The following GPC5 variants were observed in gnomAD, a reference collection of about 807,000 sequenced individuals.
GPC5 encodes the protein glypican-5.
GPC5 carries 47 observed loss-of-function variants against 53.9 expected under a neutral mutation model. The observed-to-expected ratio is 0.87, with a 90% CI of 0.69 to 1.11. The LOEUF is 1.11. Among genes scored for constraint, GPC5 ranks in the 50% most tolerant of loss-of-function variants. The pLI is 0.00. For missense variants in GPC5, 748 were observed against 713.1 expected (o/e 1.05, Z -0.56); for synonymous variants, 286 against 263.3 (o/e 1.09, Z -0.84).
chr13:92,631,902 C>CT (rs1233857431), intron 7 of GPC5, among the ~76,000 whole-genome samples: 19 of 152,222 alleles, frequency 1.2e-4, no homozygotes, highest in Non-Finnish European at 5.9e-5. Context: ...TTTGTTTAGA[C>CT]TTGGGTCTCA....
intron 6 of GPC5, among the ~76,000 whole-genome samples, chr13:92,086,260 C>T (rs1192705286): frequency 1.3e-5 from 2 of 152,172 alleles, no homozygotes; most frequent in Admixed American, 6.5e-5. Flanking sequence ...TGTCTATTTT[C>T]CAGGAGGACA....
chr13:91,507,058 T>G (rs1026005795), intron 2 of GPC5, among the ~76,000 whole-genome samples: 1 of 152,156 alleles, frequency 6.6e-6, no homozygotes, highest in African/African-American at 2.4e-5. Flanking sequence ...AATATGTGTA[T>G]ATATCTTAGT....
intron 7 of GPC5, among the ~76,000 whole-genome samples, chr13:92,584,645 A>T (rs1883477743): frequency 6.6e-6 from 1 of 152,170 alleles, no homozygotes; most frequent in Non-Finnish European, 1.5e-5. Flanking sequence ...TAGGAGGCGA[A>T]TGTTAATCCC....
At chr13:92,337,333 T>C (rs1014925427) in intron 7 of GPC5, among the ~76,000 whole-genome samples, 1 of 152,054 alleles carries the variant, frequency 6.6e-6, no homozygotes, top group Non-Finnish European at 1.5e-5. Context: ...TGTTCATAAA[T>C]AGGAAGACTC....
At chr13:92,836,760 G>C (rs931739957) in intron 7 of GPC5, among the ~76,000 whole-genome samples, 4 of 152,004 alleles carry the variant, frequency 2.6e-5, no homozygotes, top group Admixed American at 2.0e-4. Context: ...TCATTGTAGA[G>C]AGGCATATAA....
intron 5 of GPC5, among the ~76,000 whole-genome samples, chr13:91,798,486 C>G (rs1476121269): frequency 6.6e-6 from 1 of 152,182 alleles, no homozygotes; most frequent in Non-Finnish European, 1.5e-5. Context: ...ATAACAGCTT[C>G]CAGCTCCATC....
intron 2 of GPC5, among the ~76,000 whole-genome samples, chr13:91,568,355 T>C (rs1275652751): frequency 6.6e-6 from 1 of 152,150 alleles, no homozygotes; most frequent in African/African-American, 2.4e-5. Flanking sequence ...TTCCCTAAGG[T>C]ATTCCTAGGC....
chr13:92,755,577 T>C (rs986954163), intron 7 of GPC5, among the ~76,000 whole-genome samples: 9 of 149,480 alleles, frequency 6.0e-5, no homozygotes, highest in South Asian at 4.3e-4. Flanking sequence ...ATAGATAGAC[T>C]GCTAGCAAGA....
At chr13:91,519,390 C>T (rs1020792031) in intron 2 of GPC5, among the ~76,000 whole-genome samples, 2 of 152,022 alleles carry the variant, frequency 1.3e-5, no homozygotes, top group Admixed American at 6.6e-5. Flanking sequence ...ATTATGACCC[C>T]CCAGTGTTGG....
chr13:91,881,856 A>G (rs2039267221), intron 5 of GPC5, among the ~76,000 whole-genome samples: 1 of 152,192 alleles, frequency 6.6e-6, no homozygotes, highest in South Asian at 2.1e-4. Context: ...AAGGCTAATA[A>G]TCTGTCAGCC....
chr13:92,703,357 A>AGAT lies in GPC5; in HGVS notation c.1562-162924_1562-162922dup, dbSNP rs1424865212. 3.3e-5 allele frequency among the ~76,000 whole-genome samples: 5 copies of AGAT among 151,560 alleles called. No homozygotes were observed. In the East Asian group the frequency reaches 7.7e-4, roughly 23 times the overall value. On this transcript the variant is annotated intron_variant, in intron 7 of 7. Transcript: ENST00000377067. ...TATCCTTAACTGTAGGAGATATGATAGATAATATCTAATACTAGAAATTCA... is the reference window on the plus strand; with the variant it reads ...TATCCTTAACTGTAGGAGATATGATAGATGATAATATCTAATACTAGAAATTCA...
At chr13:91,425,183 A>T (rs1878953331) in intron 1 of GPC5, among the ~76,000 whole-genome samples, 2 of 152,252 alleles carry the variant, frequency 1.3e-5, no homozygotes, top group South Asian at 4.1e-4. Context: ...GTATTTAGAT[A>T]TAATAGCAGA....
At chr13:92,232,114 G>A in intron 7 of GPC5, among the ~76,000 whole-genome samples, 1 of 152,066 alleles carries the variant, frequency 6.6e-6, no homozygotes. Context: ...GTGGCAGGCA[G>A]TACTGGTTTA....
At chr13:92,437,663 A>T (rs1340114022) in intron 7 of GPC5, among the ~76,000 whole-genome samples, 1 of 152,114 alleles carries the variant, frequency 6.6e-6, no homozygotes, top group Admixed American at 6.6e-5. Context: ...ACTTAGTGTC[A>T]TACAACATCA....
At chr13:91,533,191 G>C (rs1886431040) in intron 2 of GPC5, among the ~76,000 whole-genome samples, 1 of 152,194 alleles carries the variant, frequency 6.6e-6, no homozygotes, top group Non-Finnish European at 1.5e-5. Context: ...GGTGACTCTA[G>C]GAAGAGCTAA....
At chr13:92,637,877 C>T (rs1885461842) in intron 7 of GPC5, among the ~76,000 whole-genome samples, 1 of 152,008 alleles carries the variant, frequency 6.6e-6, no homozygotes, top group African/African-American at 2.4e-5. Flanking sequence ...TAAAGGAAAG[C>T]ATCAAATGAG....
At chr13:91,933,096 T>C (rs1275743293) in intron 6 of GPC5, among the ~76,000 whole-genome samples, 2 of 151,974 alleles carry the variant, frequency 1.3e-5, no homozygotes, top group Non-Finnish European at 2.9e-5. Flanking sequence ...TTTTCAGAAC[T>C]GCTATAGGTC....
intron 7 of GPC5, among the ~76,000 whole-genome samples, chr13:92,353,061 C>A (rs566802252): frequency 6.6e-6 from 1 of 151,386 alleles, no homozygotes; most frequent in East Asian, 2.0e-4. Flanking sequence ...GAGATCGAGA[C>A]CATCCTGGCT....
chr13:92,147,492 C>A (rs1157266772), intron 7 of GPC5, among the ~76,000 whole-genome samples: 3 of 151,920 alleles, frequency 2.0e-5, no homozygotes, highest in African/African-American at 7.3e-5. Flanking sequence ...ATTAGTACGT[C>A]ACTCTTTTTT....
Sources: gnomAD v4.1 joint callset for allele counts (sites outside exome capture counted in the v4.1 genomes callset) on GRCh38, gnomAD v4.1.1 for gene constraint, MANE v1.5 for transcripts, NCBI Gene and HGNC (gene_info 2026-07-23, HGNC 2026-07-21) for gene names.